CPLX4: variants seen among roughly 807,000 people sequenced by gnomAD.
The protein encoded by CPLX4 is complexin-4.
In CPLX4, 17 loss-of-function variants were observed where a neutral mutation model predicts 16.1. The ratio of observed to expected loss-of-function variants is 1.06; its 90% CI spans 0.72 to 1.59. The LOEUF (loss-of-function observed/expected upper bound fraction) is 1.59. CPLX4 is among the 40% of genes most tolerant of loss of function. The pLI is 0.00. For missense variants in CPLX4, 193 were observed against 192.9 expected (o/e 1.00, Z 0.00); for synonymous variants, 55 against 57.8 (o/e 0.95, Z 0.22).
intron 2 of CPLX4, among the ~76,000 whole-genome samples, chr18:59,311,513 A>T (rs2070616608): frequency 6.6e-6 from 1 of 152,154 alleles, no homozygotes; most frequent in South Asian, 2.1e-4. Context: ...GATCCATGGA[A>T]GGAATTGGTT....
intron 2 of CPLX4, 76 bp downstream of exon 2, chr18:59,312,609 C>A: frequency 1.6e-6 from 1 of 620,590 alleles, no homozygotes; most frequent in Non-Finnish European, 2.9e-6. Context: ...GGAACATGAT[C>A]CTTTGTGGAT....
intron 2 of CPLX4, among the ~76,000 whole-genome samples, chr18:59,305,067 G>C (rs1347202339): frequency 6.6e-6 from 1 of 151,760 alleles, no homozygotes; most frequent in Non-Finnish European, 1.5e-5. Flanking sequence ...AGATATTTAG[G>C]GTCATAAGAT....
In CPLX4 at chr18:59,296,722, C is replaced by T. The variant is rs949604552; in HGVS notation, c.459G>A (p.Ala153=). 13 of 1,613,266 alleles carry T rather than the reference C, an allele frequency of 8.1e-6. No individual in the cohort carries two copies. The South Asian group carries it at 1.2e-4, about 15-fold the overall frequency. Residue 153 remains alanine (A), a synonymous_variant, in exon 3 of 3, where the codon GCG becomes GCA. Coordinates refer to ENST00000299721, the MANE Select transcript of CPLX4 (RefSeq NM_181654.4). ...CTCACATCACGGAACACTTCTGCTC[C>T]GCTGTCTGCTTGATTTCAGTGAAGG... is the stretch of plus-strand genomic sequence containing the variant. The part of the protein sequence containing the change: ...QATFTEIKQT[A]EQKCSVM
rs59444152 is a variant in CPLX4 at position 59,318,557 on chromosome 18, T to C, written c.-95A>G. On this transcript the variant is annotated 5_prime_UTR_variant, in exon 1 of 3. Transcript: ENST00000299721. ...AGAGAAAACCTCCAAATATTCTCAA[T>C]GACAGCAATACATTTAAGAGCAAAG... The C allele has an allele frequency of 0.081, 120,388 of 1,482,412 alleles. 5,542 individuals carry two copies. Among genetic ancestry groups the C allele is most frequent in the African/African-American group, 0.21 (14,552 of 70,472 alleles). The allele number at this position is 1,482,412 out of a possible 1,614,324, so 91.8% of individuals were successfully genotyped here. A position where few individuals can be genotyped will look rare whatever the true frequency, so the allele number is the denominator to read the frequency against.
chr18:59,300,342 A>G lies in CPLX4; in HGVS notation c.256-3417T>C, dbSNP rs775142172. ...AGAGAGACTCTGTCTTAACAAATAA[A>G]TAAATATTTTTAAAAATTAAAATAA... On this transcript the variant is annotated intron_variant, in intron 2 of 2. Coordinates refer to ENST00000299721, the MANE Select transcript of CPLX4 (RefSeq NM_181654.4). Among the ~76,000 whole-genome samples, 95 of 152,226 alleles carry G rather than the reference A, an allele frequency of 6.2e-4. 1 individual carries two copies. Among genetic ancestry groups the G allele is most frequent in the Non-Finnish European group, 1.5e-4 (10 of 68,038 alleles).
rs149870112 is a variant in CPLX4, at chr18:59,315,783, C to T, written c.167+2513G>A. Among the ~76,000 whole-genome samples the T allele has an allele frequency of 5.7e-3, 868 of 152,206 alleles. 12 individuals are homozygous for T. The highest frequency in any genetic ancestry group is 0.019 in the African/African-American group (808 of 41,530). On this transcript the variant is annotated intron_variant, in intron 1 of 2. Transcript: ENST00000299721. ...AGCACCATTTGTTGAAAAGACTTTCCGTTCCTGGTCTGATTATTTTGGCGC... is the reference window on the plus strand; with the variant it reads ...AGCACCATTTGTTGAAAAGACTTTCTGTTCCTGGTCTGATTATTTTGGCGC...
In CPLX4 at chr18:59,318,344, A is replaced by G. The variant is rs1349460108; in HGVS notation, c.119T>C (p.Met40Thr). ...ATACTCCTCATACTCCTCTCTAGTC[A>G]TCCCTTGAGCTGCTGCAGGATCAGA... ...GASDPAAAQG[M>T]TREEYEEYQK... Residue 40 changes from methionine (M) to threonine (T), a missense_variant, in exon 1 of 3, where the codon ATG becomes ACG. Transcript: ENST00000299721. 1 of 1,613,758 alleles carries G rather than the reference A, an allele frequency of 6.2e-7. No individual in the cohort carries two copies. The highest frequency in any genetic ancestry group is 1.7e-5 in the Admixed American group (1 of 59,996).
rs754266109 is a variant in CPLX4 at position 59,312,672 on chromosome 18, C to A, written c.255+13G>T. 7 of 1,046,540 alleles carry A rather than the reference C, an allele frequency of 6.7e-6. No homozygotes were observed. The Admixed American group carries it at 1.2e-4, about 18-fold the overall frequency. The allele number at this position is 1,046,540 out of a possible 1,614,324, so 64.8% of individuals were successfully genotyped here. On this transcript the variant is annotated intron_variant, in intron 2 of 2. Transcript: ENST00000299721. ...TAATTAAGAAATGATTAGATGTTTC[C>A]AGAGTGTCTTACCTTTGGGAGCCTG...
intron 2 of CPLX4, 102 bp downstream of exon 2, chr18:59,312,583 T>A: frequency 3.2e-6 from 1 of 313,058 alleles, no homozygotes. Flanking sequence ...AATATATATA[T>A]ATATATTCAT....
In CPLX4 at chr18:59,313,641, T is replaced by C. The variant is rs182321890; in HGVS notation, c.168-869A>G. ...GTTAGACCAAGCTCCGTAAATGAAA[T>C]CTCTTTGAAAATTTGGGAATGGTAC... On this transcript the variant is annotated intron_variant, in intron 1 of 2. Transcript: ENST00000299721. Among the ~76,000 whole-genome samples, 3 of 152,310 alleles carry C rather than the reference T, an allele frequency of 2.0e-5. No homozygotes were observed. The East Asian group carries it at 5.8e-4, about 29-fold the overall frequency.
chr18:59,313,338 G>A (rs1446757620), intron 1 of CPLX4, among the ~76,000 whole-genome samples: 3 of 152,252 alleles, frequency 2.0e-5, no homozygotes, highest in South Asian at 4.2e-4. Context: ...ATTTAGGTAC[G>A]GTATTTTCTT....
At chr18:59,301,621 C>T (rs747158890) in intron 2 of CPLX4, among the ~76,000 whole-genome samples, 2 of 152,220 alleles carry the variant, frequency 1.3e-5, no homozygotes, top group African/African-American at 2.4e-5. Context: ...CAAATGTGGG[C>T]CTGTAGCCTC....
chr18:59,306,890 G>A (rs758177733), intron 2 of CPLX4, among the ~76,000 whole-genome samples: 12 of 152,106 alleles, frequency 7.9e-5, no homozygotes, highest in Admixed American at 3.3e-4. Context: ...TGTTAAATTC[G>A]TCCAATTCCC....
intron 2 of CPLX4, among the ~76,000 whole-genome samples, chr18:59,307,397 G>A (rs2070583976): frequency 6.6e-6 from 1 of 152,220 alleles, no homozygotes; most frequent in Non-Finnish European, 1.5e-5. Context: ...AACTTAGAAG[G>A]TTGGAGGGAA....
chr18:59,318,276 A>G lies in CPLX4; in HGVS notation c.167+20T>C, dbSNP rs1430747102. 1.9e-6 allele frequency: 3 copies of G among 1,544,884 alleles called. No individual in the cohort carries two copies. The highest frequency in any genetic ancestry group is 1.7e-6 in the Non-Finnish European group (2 of 1,143,978). On this transcript the variant is annotated intron_variant, in intron 1 of 2. Transcript: ENST00000299721. ...GAATTTCCTTTGCTTTTTAAGGGAAATGAAATAGCATGTACTCACTTCTCC... is the reference window on the plus strand; with the variant it reads ...GAATTTCCTTTGCTTTTTAAGGGAAGTGAAATAGCATGTACTCACTTCTCC...
chr18:59,299,312 A>G lies in CPLX4; in HGVS notation c.256-2387T>C, dbSNP rs558995782. Among the ~76,000 whole-genome samples, 6 of 152,296 alleles carry G rather than the reference A, an allele frequency of 3.9e-5. No individual in the cohort carries two copies. In the East Asian group the frequency reaches 1.2e-3, roughly 29 times the overall value. ...CAATGTGGGACATCTGCCCTCTCTT[A>G]TGCATCCTGAAATCAAATGCAAGTA... On this transcript the variant is annotated intron_variant, in intron 2 of 2. Coordinates refer to ENST00000299721, the MANE Select transcript of CPLX4 (RefSeq NM_181654.4).
intron 2 of CPLX4, among the ~76,000 whole-genome samples, chr18:59,303,327 A>C (rs1451480607): frequency 1.3e-5 from 2 of 152,136 alleles, no homozygotes; most frequent in African/African-American, 4.8e-5. Flanking sequence ...AGCTACATGG[A>C]ATGAGAATTT....
intron 2 of CPLX4, among the ~76,000 whole-genome samples, chr18:59,309,821 T>C (rs1180116813): frequency 4.9e-5 from 2 of 40,640 alleles, no homozygotes; most frequent in Non-Finnish European, 8.0e-5. Flanking sequence ...AGACTCTGTG[T>C]CAAAAAAAAA....
intron 1 of CPLX4, among the ~76,000 whole-genome samples, chr18:59,313,267 T>C (rs1463070730): frequency 6.6e-6 from 1 of 152,132 alleles, no homozygotes; most frequent in Admixed American, 6.5e-5. Context: ...TTGAAGACCG[T>C]TGTTGTTGGG....
Sources: allele counts gnomAD v4.1 joint callset (sites outside exome capture counted in the v4.1 genomes callset), GRCh38; gene constraint gnomAD v4.1.1; transcripts MANE v1.5; gene names NCBI Gene and HGNC (gene_info 2026-07-23, HGNC 2026-07-21).